Variants in ADGRE2 observed in about 807,000 individuals in gnomAD.
The protein encoded by ADGRE2 is adhesion G protein-coupled receptor E2.
ADGRE2 carries 83 observed loss-of-function variants against 100.8 expected under a neutral mutation model. The ratio of observed to expected loss-of-function variants is 0.82; its 90% CI spans 0.69 to 0.99. ADGRE2 has a LOEUF of 0.99. Ranked by LOEUF, ADGRE2 falls within the 50% of genes least tolerant of loss-of-function variation. The pLI is 0.00. For synonymous variants in ADGRE2, 355 were observed against 413.0 expected, an observed-to-expected ratio of 0.86 and a Z score of 1.70; for missense variants, 814 against 1,035.7, an observed-to-expected ratio of 0.79 and a Z score of 2.94.
In ADGRE2 at chr19:14,767,183, T is replaced by C. The variant is rs1218836532; in HGVS notation, c.356-74A>G. 34 of 1,585,246 alleles carry C rather than the reference T, an allele frequency of 2.1e-5. 1 individual carries two copies. Among genetic ancestry groups the C allele is most frequent in the Non-Finnish European group, 2.8e-5 (33 of 1,164,198 alleles). On this transcript the variant is annotated intron_variant, in intron 5 of 20. Coordinates refer to ENST00000315576, the MANE Select transcript of ADGRE2 (RefSeq NM_013447.4). Reference sequence around the variant, plus strand: ...TTCGGGGCTGAGGGTCCGCCATGTTTCCTGGCACGGAAGCATCTGGAAGGC... The same window carrying C: ...TTCGGGGCTGAGGGTCCGCCATGTTCCCTGGCACGGAAGCATCTGGAAGGC...
At chr19:14,725,817 T>C in the ADGRE2 span, among the ~76,000 whole-genome samples, 1 of 152,196 alleles carries the variant, frequency 6.6e-6, no homozygotes, top group Non-Finnish European at 1.5e-5. Context: ...GCTGCTCTTA[T>C]GGGTTGGAGT....
rs56813625 is a variant in ADGRE2 at position 14,771,886 on chromosome 19, G to A, written c.355+456C>T. On this transcript the variant is annotated intron_variant, in intron 5 of 20. Coordinates refer to ENST00000315576, the MANE Select transcript of ADGRE2 (RefSeq NM_013447.4). ...GATCTCCTGACCCCGTGATCCATCC[G>A]CCTCGGCCTCCCAAAGTGCTGGGAT... is the stretch of plus-strand genomic sequence containing the variant. The A allele has an allele frequency of 1.0e-2, 1,582 of 158,368 alleles. 27 individuals carry two copies. The highest frequency in any genetic ancestry group is 0.036 in the African/African-American group (1,496 of 41,676). 9.8% of individuals were successfully genotyped at this position (158,368 alleles called of 1,614,324 possible).
At chr19:14,730,736 G>T (rs2042663846), downstream of ADGRE2, among the ~76,000 whole-genome samples, 1 of 151,728 alleles carries the variant, frequency 6.6e-6, no homozygotes, top group Non-Finnish European at 1.5e-5. Flanking sequence ...TGATGCTGAG[G>T]TTTGGGGTAC....
chr19:14,749,420 ATTATTTATAGTTATGTAATATAATTAT>A lies in ADGRE2; in HGVS notation c.2024+1989_2024+2015del, dbSNP rs1311919521. The stretch of plus-strand genomic sequence containing the variant: ...TAATATAATTATTTATAGTTATATA[ATTATTTATAGTTATGTAATATAATTAT>A]TTATAGTTATGTAATATAATTAGTT... On this transcript the variant is annotated intron_variant, in intron 16 of 20. Coordinates refer to ENST00000315576, the MANE Select transcript of ADGRE2 (RefSeq NM_013447.4). Among the ~76,000 whole-genome samples the A allele has an allele frequency of 1.5e-4, 17 of 110,158 alleles. No homozygotes were observed. The East Asian group carries it at 4.0e-3, about 26-fold the overall frequency. 72.3% of individuals were successfully genotyped at this position (110,158 alleles called of 152,430 possible).
At chr19:14,774,794 C>G (rs147906592) in intron 2 of ADGRE2, among the ~76,000 whole-genome samples, 1,748 of 149,438 alleles carry the variant, frequency 0.012, 28 homozygotes, top group African/African-American at 0.041. Context: ...CTGCCTCAAC[C>G]TCCCAAATAG....
chr19:14,726,836 A>G, the ADGRE2 span, among the ~76,000 whole-genome samples: 1 of 152,092 alleles, frequency 6.6e-6, no homozygotes, highest in Non-Finnish European at 1.5e-5. Flanking sequence ...CCCTTTAACC[A>G]GTCTCCAAGA....
downstream of ADGRE2, chr19:14,731,430 G>T (rs8109892): frequency 0.025 from 14,024 of 553,766 alleles, 1,628 homozygotes; most frequent in African/African-American, 0.24. Context: ...CCCGCAAGGA[G>T]ACTAAGGCCT....
intron 16 of ADGRE2, among the ~76,000 whole-genome samples, chr19:14,747,189 T>G (rs1186837917): frequency 6.6e-6 from 1 of 152,000 alleles, no homozygotes; most frequent in African/African-American, 2.4e-5. Context: ...ATACACACAA[T>G]CAGACACATT....
chr19:14,737,005 G>T (rs1005663557), intron 20 of ADGRE2, among the ~76,000 whole-genome samples: 4 of 147,988 alleles, frequency 2.7e-5, no homozygotes, highest in Admixed American at 2.7e-4. Flanking sequence ...AGTTAAATAA[G>T]TAGATTATAG....
chr19:14,774,674 T>TTTTCTTTATTTCTTTCTTTCTTTC (rs2044355392), intron 2 of ADGRE2, among the ~76,000 whole-genome samples: 1 of 68,960 alleles, frequency 1.5e-5, no homozygotes. Flanking sequence ...ATATTTTAAA[T>TTTTCTTTATTTCTTTCTTTCTTTC]TTTCTTTCTT....
intron 14 of ADGRE2, 82 bp downstream of exon 14, chr19:14,754,872 A>AT (rs34312411): frequency 0.46 from 675,608 of 1,474,244 alleles, 155,642 homozygotes; most frequent in South Asian, 0.58. Context: ...TAATGCATAT[A>AT]TTTTTTTAAA....
At chr19:14,724,685 G>T in the ADGRE2 span, among the ~76,000 whole-genome samples, 1 of 151,432 alleles carries the variant, frequency 6.6e-6, no homozygotes, top group Admixed American at 6.6e-5. Flanking sequence ...AGAATTGCTT[G>T]AACCCAGGAG....
At chr19:14,741,834 A>T (rs2042942902) in intron 20 of ADGRE2, 5 of 389,660 alleles carry the variant, frequency 1.3e-5, no homozygotes, top group Non-Finnish European at 2.3e-5. Context: ...TTTGCTCATC[A>T]GTGAAATGGG....
chr19:14,736,294 T>C, intron 20 of ADGRE2, 50 bp from the exon 21 acceptor site: 1 of 1,297,922 alleles, frequency 7.7e-7, no homozygotes, highest in East Asian at 2.5e-5. Context: ...AGAGTTTCAC[T>C]CTTGTTGCCT....
At position 14,752,355 on chromosome 19, in the gene ADGRE2, C is replaced by T. The variant is rs377307217; in HGVS notation, c.1762G>A (p.Val588Met). 3.3e-5 allele frequency: 53 copies of T among 1,613,938 alleles called. No individual in the cohort carries two copies. Among genetic ancestry groups the T allele is most frequent in the East Asian group, 6.7e-5 (3 of 44,894 alleles). ...TTGTGTCCGGTTTGATCAATTGCCA[C>T]GAGGAAGAGGAGGTGGGCCAGGAAG... ...CLFLAHLLFL[V>M]AIDQTGHKVL... is the part of the protein sequence containing the mutation. Residue 588 changes from valine to methionine, a missense_variant, in exon 15 of 21, where the codon GTG (valine) becomes ATG (methionine). Physicochemically the swap from Val to Met is conservative, Grantham distance 21. Transcript: ENST00000315576.
In ADGRE2 at chr19:14,732,781, A is replaced by G. The variant is rs1437677819; in HGVS notation, c.*3455T>C. The G allele has an allele frequency of 6.6e-6, 1 of 151,978 alleles. No homozygotes were observed. The highest frequency in any genetic ancestry group is 6.6e-5 in the Admixed American group (1 of 15,250). The allele number at this position is 151,978 out of a possible 1,614,324, so 9.4% of individuals were successfully genotyped here. A position where few individuals can be genotyped will look rare whatever the true frequency, so the allele number is the denominator to read the frequency against. On this transcript the variant is annotated 3_prime_UTR_variant, in exon 21 of 21. Transcript: ENST00000315576. ...TGTCTATAGCTGTTTTCATATCACA[A>G]TGGAAGTTCAAGTTCAGTGTCTGTA...
At chr19:14,776,976 G>GCTCACACACACACACACA in intron 1 of ADGRE2, 49 bp from the exon 2 acceptor site, 1 of 1,024,728 alleles carries the variant, frequency 9.8e-7, no homozygotes, top group East Asian at 4.6e-5. Context: ...CAGGGGCGCT[G>GCTCACACACACACACACA]CACACACACA....
At chr19:14,758,778 C>T (rs2043590686) in intron 11 of ADGRE2, among the ~76,000 whole-genome samples, 1 of 149,200 alleles carries the variant, frequency 6.7e-6, no homozygotes, top group Non-Finnish European at 1.5e-5. Flanking sequence ...CCAGCTACTC[C>T]GGAGGCTGAG....
downstream of ADGRE2, among the ~76,000 whole-genome samples, chr19:14,727,588 G>A (rs543536051): frequency 1.1e-4 from 17 of 152,088 alleles, no homozygotes; most frequent in South Asian, 2.7e-3. Flanking sequence ...ATTCATGAGC[G>A]ATTTGCCCCC....
Sources: gnomAD v4.1 joint callset for allele counts (sites outside exome capture counted in the v4.1 genomes callset) on GRCh38, gnomAD v4.1.1 for gene constraint, MANE v1.5 for transcripts, NCBI Gene and HGNC (gene_info 2026-07-23, HGNC 2026-07-21) for gene names.